LAMA2: variants seen among roughly 807,000 people sequenced by gnomAD.
LAMA2 encodes laminin subunit alpha 2.
In LAMA2, 269 loss-of-function variants were observed where a neutral mutation model predicts 364.8. That is an observed-to-expected ratio of 0.74 (90% CI 0.67 to 0.82). The LOEUF is 0.82. Among genes scored for constraint, LAMA2 ranks in the 40% least tolerant of loss-of-function variants. The probability of loss-of-function intolerance (pLI) is 0.00; values close to 1 mark genes in which losing one functional copy is unlikely to be tolerated. For missense variants in LAMA2, 3,807 were observed against 3,873.2 expected (o/e 0.98, Z 0.45); for synonymous variants, 1,379 against 1,370.6 (o/e 1.01, Z -0.14).
At chr6:129,006,057 A>T (rs1485158459) in intron 1 of LAMA2, among the ~76,000 whole-genome samples, 2 of 151,958 alleles carry the variant, frequency 1.3e-5, no homozygotes, top group Non-Finnish European at 1.5e-5. Context: ...AACAAGAAAG[A>T]CCCCCTAATT....
At chr6:129,408,534 G>A (rs917074082) in intron 40 of LAMA2, among the ~76,000 whole-genome samples, 18 of 152,170 alleles carry the variant, frequency 1.2e-4, no homozygotes, top group African/African-American at 3.4e-4. Flanking sequence ...AACATTGGGC[G>A]TAGGATGGGC....
At position 128,886,504 on chromosome 6, in the gene LAMA2, G is replaced by C. The variant is rs997502381; in HGVS notation, c.112+3147G>C. On this transcript the variant is annotated intron_variant, in intron 1 of 64. Coordinates refer to ENST00000421865, the MANE Select transcript of LAMA2 (RefSeq NM_000426.4). ...TAGGTCTGTTGCTTAACACACATTTGGGTATTTCATTGACAAATGGGTGTA... is the reference window on the plus strand; with the variant it reads ...TAGGTCTGTTGCTTAACACACATTTCGGTATTTCATTGACAAATGGGTGTA... 2.6e-5 allele frequency among the ~76,000 whole-genome samples: 4 copies of C among 152,102 alleles called. No individual in the cohort carries two copies. In the East Asian group the frequency reaches 7.7e-4, roughly 29 times the overall value.
rs1241573213 is a variant in LAMA2 at position 129,354,293 on chromosome 6, C to G, written c.4717+936C>G. On this transcript the variant is annotated intron_variant, in intron 32 of 64. Coordinates refer to ENST00000421865, the MANE Select transcript of LAMA2 (RefSeq NM_000426.4). ...TAAAAAATACACCAAAAAGTTAAGA[C>G]TGGGTGTTATTTGGGAAAATAGATT... Among the ~76,000 whole-genome samples, 4 of 152,112 alleles carry G rather than the reference C, an allele frequency of 2.6e-5. No individual in the cohort carries two copies. In the East Asian group the frequency reaches 7.7e-4, roughly 29 times the overall value.
intron 31 of LAMA2, among the ~76,000 whole-genome samples, chr6:129,350,761 A>G (rs1341609786): frequency 2.0e-5 from 3 of 152,234 alleles, no homozygotes; most frequent in Non-Finnish European, 4.4e-5. Flanking sequence ...ATAACCAGCA[A>G]CAGCTGTATT....
intron 33 of LAMA2, among the ~76,000 whole-genome samples, chr6:129,367,232 G>A (rs986508513): frequency 6.6e-6 from 1 of 152,192 alleles, no homozygotes; most frequent in African/African-American, 2.4e-5. Context: ...GGAAAAAGAT[G>A]AAAGGTGTCA....
chr6:129,055,908 A>G (rs1788448856), intron 2 of LAMA2, among the ~76,000 whole-genome samples: 1 of 152,172 alleles, frequency 6.6e-6, no homozygotes, highest in Non-Finnish European at 1.5e-5. Context: ...TTTGCCAACA[A>G]TTCGTCAGTA....
At chr6:129,180,070 TAGTGTAGTGTATTTA>T (rs1780840918) in intron 10 of LAMA2, among the ~76,000 whole-genome samples, 1 of 151,606 alleles carries the variant, frequency 6.6e-6, no homozygotes, top group African/African-American at 2.4e-5. Flanking sequence ...AAAAGACACT[TAGTGTAGTGTATTTA>T]AATACTGAAA....
At chr6:129,495,362 C>T (rs1785107100) in intron 58 of LAMA2, among the ~76,000 whole-genome samples, 1 of 152,050 alleles carries the variant, frequency 6.6e-6, no homozygotes, top group Non-Finnish European at 1.5e-5. Context: ...AATTACTATC[C>T]CCTCCATGAT....
chr6:129,063,831 A>G (rs1333237011), intron 3 of LAMA2, among the ~76,000 whole-genome samples: 2 of 152,200 alleles, frequency 1.3e-5, no homozygotes, highest in Admixed American at 1.3e-4. Context: ...AGGATAAACT[A>G]CTATTTCTAT....
Position 129,251,040 on chromosome 6 carries a change from T to G in LAMA2, c.1884+827T>G, listed in dbSNP as rs1844596. On this transcript the variant is annotated intron_variant, in intron 13 of 64. Coordinates refer to ENST00000421865, the MANE Select transcript of LAMA2 (RefSeq NM_000426.4). Reference sequence around the variant, plus strand: ...TTTCTCTCTCTCTCTGTCTCTCTCTTTCTCTCTCTCTCTCTCTCTCTCTCT... The same window carrying G: ...TTTCTCTCTCTCTCTGTCTCTCTCTGTCTCTCTCTCTCTCTCTCTCTCTCT... 2.7e-3 allele frequency among the ~76,000 whole-genome samples: 167 copies of G among 61,688 alleles called. 2 individuals carry two copies. The highest frequency in any genetic ancestry group is 0.011 in the African/African-American group (161 of 14,298). The allele number at this position is 61,688 out of a possible 152,430, so 40.5% of individuals were successfully genotyped here. A position where few individuals can be genotyped will look rare whatever the true frequency, so the allele number is the denominator to read the frequency against.
chr6:129,256,560 A>G (rs1223382486), intron 14 of LAMA2, among the ~76,000 whole-genome samples: 5 of 151,798 alleles, frequency 3.3e-5, no homozygotes, highest in Admixed American at 1.3e-4. Context: ...CAATGCATAT[A>G]AATAGTGCAG....
At chr6:129,119,549 A>T (rs114809799) in intron 4 of LAMA2, among the ~76,000 whole-genome samples, 8,220 of 151,118 alleles carry the variant, frequency 0.054, 282 homozygotes, top group African/African-American at 0.083. Flanking sequence ...TAATTAATTA[A>T]TTATTTATTT....
intron 28 of LAMA2, among the ~76,000 whole-genome samples, chr6:129,325,776 C>T (rs1037424114): frequency 1.3e-5 from 2 of 152,108 alleles, no homozygotes; most frequent in African/African-American, 4.8e-5. Context: ...ACAAAACTAA[C>T]ATAAAATCAA....
intron 12 of LAMA2, among the ~76,000 whole-genome samples, chr6:129,240,204 C>T (rs977763244): frequency 2.0e-5 from 3 of 152,150 alleles, no homozygotes; most frequent in East Asian, 3.9e-4. Context: ...CTGCTTTATC[C>T]TAGCCACGCT....
At chr6:129,146,515 T>G (rs987024871) in intron 5 of LAMA2, among the ~76,000 whole-genome samples, 3 of 152,066 alleles carry the variant, frequency 2.0e-5, no homozygotes, top group Admixed American at 2.0e-4. Flanking sequence ...TCTACCCAGA[T>G]TTTGTTGGTT....
At position 129,358,700 on chromosome 6, in the gene LAMA2, A is replaced by G. The variant is rs1183412717; in HGVS notation, c.4717+5343A>G. ...CTCTGTAAAATGGATGTAAAATGCT[A>G]CATACATGTATGTGAAGTATCTAAG... On this transcript the variant is annotated intron_variant, in intron 32 of 64. Coordinates refer to ENST00000421865, the MANE Select transcript of LAMA2 (RefSeq NM_000426.4). Among the ~76,000 whole-genome samples the G allele has an allele frequency of 2.6e-5, 4 of 152,140 alleles. No individual in the cohort carries two copies. The East Asian group carries it at 5.8e-4, about 22-fold the overall frequency.
intron 1 of LAMA2, among the ~76,000 whole-genome samples, chr6:129,014,519 C>T (rs574720007): frequency 2.0e-5 from 3 of 152,276 alleles, no homozygotes; most frequent in African/African-American, 7.2e-5. Flanking sequence ...GCCATATAAA[C>T]ACTGCCTTCG....
At chr6:128,958,419 A>T (rs1781283551) in intron 1 of LAMA2, among the ~76,000 whole-genome samples, 1 of 152,138 alleles carries the variant, frequency 6.6e-6, no homozygotes, top group Admixed American at 6.5e-5. Flanking sequence ...TTATTATATT[A>T]TGAAGAAATA....
At chr6:129,482,576 TG>T (rs1240686057) in intron 55 of LAMA2, among the ~76,000 whole-genome samples, 4 of 152,236 alleles carry the variant, frequency 2.6e-5, no homozygotes, top group Non-Finnish European at 5.9e-5. Flanking sequence ...TCATGTTATT[TG>T]TGATTACGTG....
Sources: gnomAD v4.1 joint callset for allele counts (sites outside exome capture counted in the v4.1 genomes callset) on GRCh38, gnomAD v4.1.1 for gene constraint, MANE v1.5 for transcripts, NCBI Gene and HGNC (gene_info 2026-07-23, HGNC 2026-07-21) for gene names.